Variants in PCNX2 observed in about 807,000 individuals in gnomAD.
PCNX2 encodes the protein pecanex-like protein 2.
PCNX2 carries 168 observed loss-of-function variants against 223.8 expected under a neutral mutation model. The ratio of observed to expected loss-of-function variants is 0.75; its 90% confidence interval spans 0.66 to 0.85. The LOEUF (loss-of-function observed/expected upper bound fraction) is 0.85. Among genes scored for constraint, PCNX2 ranks in the 40% least tolerant of loss-of-function variants. PCNX2 has a pLI of 0.00. For missense variants in PCNX2, 2,507 were observed against 2,675.5 expected (o/e 0.94, Z 1.39); for synonymous variants, 1,006 against 1,052.6 (o/e 0.96, Z 0.86).
At chr1:233,254,415 G>A (rs74147335) in intron 5 of PCNX2, among the ~76,000 whole-genome samples, 3,156 of 152,234 alleles carry the variant, frequency 0.021, 93 homozygotes, top group African/African-American at 0.07. Context: ...TACACTAAGT[G>A]TCTTTGAATT....
intron 23 of PCNX2, among the ~76,000 whole-genome samples, chr1:233,060,055 GC>G (rs1368358874): frequency 4.6e-5 from 7 of 152,230 alleles, no homozygotes; most frequent in African/African-American, 1.7e-4. Context: ...GTTCTGTGAT[GC>G]TACGGATGGA....
In PCNX2 at chr1:233,277,557, G is replaced by A. The variant is rs778665258; in HGVS notation, c.154-14394C>T. Among the ~76,000 whole-genome samples, 5 of 152,260 alleles carry A rather than the reference G, an allele frequency of 3.3e-5. No homozygotes were observed. The South Asian group carries it at 6.2e-4, about 19-fold the overall frequency. ...AGATCAGATTAACATCGGTAAAGTAGTATTTAAACACTACAGAGGGGCACA... is the reference window on the plus strand; with the variant it reads ...AGATCAGATTAACATCGGTAAAGTAATATTTAAACACTACAGAGGGGCACA... On this transcript the variant is annotated intron_variant, in intron 1 of 33. Coordinates refer to ENST00000258229, the MANE Select transcript of PCNX2 (RefSeq NM_014801.4).
chr1:232,990,852 C>T lies in PCNX2; in HGVS notation c.5792-4312G>A, dbSNP rs1669671742. Among the ~76,000 whole-genome samples the T allele has an allele frequency of 6.6e-6, 1 of 152,174 alleles. No homozygotes were observed. The highest frequency in any genetic ancestry group is 1.9e-4 in the East Asian group (1 of 5,178). ...CAGGCCTCTTCCCCAGGGTCGTCTC[C>T]CAGGGCGGACCTTGGGCCTACTTGC... On this transcript the variant is annotated intron_variant, in intron 32 of 33. Coordinates refer to ENST00000258229, the MANE Select transcript of PCNX2 (RefSeq NM_014801.4). This position sits in a 1 kb window ranked among gnomAD's most constrained non-coding sequence, Gnocchi z 4.3.
intron 21 of PCNX2, among the ~76,000 whole-genome samples, chr1:233,125,343 T>C (rs974968097): frequency 4.6e-5 from 7 of 152,248 alleles, no homozygotes; most frequent in Non-Finnish European, 1.0e-4. Context: ...TAAATGCTGG[T>C]CATCCTTGTT....
intron 25 of PCNX2, among the ~76,000 whole-genome samples, chr1:233,033,388 C>T (rs1558177765): frequency 6.6e-6 from 1 of 152,172 alleles, no homozygotes; most frequent in Non-Finnish European, 1.5e-5. Flanking sequence ...CTAGGATACC[C>T]AGTACATTTA....
At chr1:233,009,124 C>T (rs1408396262) in intron 28 of PCNX2, among the ~76,000 whole-genome samples, 3 of 152,186 alleles carry the variant, frequency 2.0e-5, no homozygotes, top group African/African-American at 4.8e-5. Context: ...TCAGAAATCC[C>T]AGCTGCAAAA....
intron 21 of PCNX2, among the ~76,000 whole-genome samples, chr1:233,120,116 G>A (rs1402715749): frequency 4.7e-5 from 6 of 128,150 alleles, no homozygotes; most frequent in Non-Finnish European, 9.3e-5. Context: ...GCAGTGAGCC[G>A]AGATCACACC....
chr1:233,231,957 A>G (rs768793983), intron 9 of PCNX2, among the ~76,000 whole-genome samples: 2 of 152,174 alleles, frequency 1.3e-5, no homozygotes, highest in Non-Finnish European at 2.9e-5. Context: ...GCCTAACCTG[A>G]AGACTTCTCT....
At chr1:233,078,952 G>C (rs182134957) in intron 23 of PCNX2, among the ~76,000 whole-genome samples, 49 of 152,262 alleles carry the variant, frequency 3.2e-4, no homozygotes, top group African/African-American at 1.1e-3. Context: ...CAAAACAGTG[G>C]GATGGGGTCA....
chr1:233,288,778 G>A lies in PCNX2; in HGVS notation c.153+6548C>T, dbSNP rs181341470. 5 of 653,104 alleles carry A rather than the reference G, an allele frequency of 7.7e-6. No individual in the cohort carries two copies. In the South Asian group the frequency reaches 8.3e-5, roughly 11 times the overall value. 40.5% of individuals were successfully genotyped at this position (653,104 alleles called of 1,614,324 possible). On this transcript the variant is annotated intron_variant, in intron 1 of 33. Transcript: ENST00000258229. Reference sequence around the variant, plus strand: ...AGGGACTGAGTCTGTAGTTCTTTTGGAGGCCCAGGACCCAGGAAAGATGCC... The same window carrying A: ...AGGGACTGAGTCTGTAGTTCTTTTGAAGGCCCAGGACCCAGGAAAGATGCC...
At chr1:233,217,171 C>T (rs181379747) in intron 12 of PCNX2, among the ~76,000 whole-genome samples, 29 of 152,018 alleles carry the variant, frequency 1.9e-4, no homozygotes, top group Admixed American at 1.0e-3. Context: ...AATAATAATA[C>T]ACTGTTATAC....
chr1:233,212,145 A>G (rs906509401), intron 12 of PCNX2, among the ~76,000 whole-genome samples: 2 of 152,220 alleles, frequency 1.3e-5, no homozygotes, highest in African/African-American at 4.8e-5. Context: ...GCCATCCTAA[A>G]TGTTCATAAT....
At chr1:233,189,190 G>A (rs1011730632) in intron 15 of PCNX2, among the ~76,000 whole-genome samples, 2 of 152,172 alleles carry the variant, frequency 1.3e-5, no homozygotes, top group Non-Finnish European at 2.9e-5. Flanking sequence ...TGCACCCTTA[G>A]GCAAGTAAGC....
chr1:233,019,209 C>T, intron 26 of PCNX2: 1 of 985,364 alleles, frequency 1.0e-6, no homozygotes, highest in Non-Finnish European at 1.2e-6. Context: ...TGGGGAGGTT[C>T]CTCTGTGGTT....
intron 15 of PCNX2, among the ~76,000 whole-genome samples, chr1:233,195,863 C>T (rs1025523300): frequency 8.5e-5 from 13 of 152,158 alleles, no homozygotes; most frequent in Admixed American, 3.9e-4. Flanking sequence ...AATTGATCTA[C>T]AAATTCATCA....
intron 23 of PCNX2, chr1:233,086,813 C>G (rs1175487666): frequency 1.3e-5 from 2 of 159,692 alleles, no homozygotes; most frequent in Middle Eastern, 3.1e-3. Context: ...TTTCCATTAT[C>G]CAGAACTTCC....
At chr1:233,081,657 G>A (rs2102922926) in intron 23 of PCNX2, among the ~76,000 whole-genome samples, 1 of 152,292 alleles carries the variant, frequency 6.6e-6, no homozygotes, top group Non-Finnish European at 1.5e-5. Context: ...CCATTCTTTT[G>A]AGCTATAAAT....
intron 10 of PCNX2, among the ~76,000 whole-genome samples, chr1:233,225,118 A>T (rs1006579865): frequency 5.3e-5 from 8 of 150,460 alleles, no homozygotes; most frequent in Admixed American, 1.3e-4. Flanking sequence ...AGTAAAAAAA[A>T]AAAAAAAAAA....
At chr1:233,235,790 T>TG (rs1658351037) in intron 9 of PCNX2, among the ~76,000 whole-genome samples, 1 of 151,498 alleles carries the variant, frequency 6.6e-6, no homozygotes, top group Non-Finnish European at 1.5e-5. Context: ...TTAGTAGAGA[T>TG]GGGGTCTTGC....
Sources: allele counts gnomAD v4.1 joint callset (sites outside exome capture counted in the v4.1 genomes callset), GRCh38; gene constraint gnomAD v4.1.1; non-coding constraint Gnocchi (gnomAD v3.1); transcripts MANE v1.5; gene names NCBI Gene and HGNC (gene_info 2026-07-23, HGNC 2026-07-21).